WASHC2A: variants seen among roughly 807,000 people sequenced by gnomAD.
WASHC2A encodes the protein WASH complex subunit 2A.
In WASHC2A, 82 loss-of-function variants were observed where a neutral mutation model predicts 140.3. The ratio of observed to expected loss-of-function variants is 0.58; its 90% confidence interval spans 0.49 to 0.70. The LOEUF (loss-of-function observed/expected upper bound fraction) is 0.70. WASHC2A is among the 30% of genes least tolerant of loss of function. WASHC2A has a pLI of 0.00. For synonymous variants in WASHC2A, 340 were observed against 560.8 expected (o/e 0.61, Z 5.56); for missense variants, 985 against 1,521.8 (o/e 0.65, Z 5.87).
chr10:50,080,398 G>A (rs1838789918), intron 4 of WASHC2A, among the ~76,000 whole-genome samples: 2 of 147,004 alleles, frequency 1.4e-5, no homozygotes, highest in Non-Finnish European at 3.0e-5. Flanking sequence ...ACCAGGGCTC[G>A]TGGGATAGTC....
In WASHC2A at chr10:50,069,664, G is replaced by A. The variant is rs782501362; in HGVS notation, c.244G>A (p.Val82Ile). 1 of 1,613,958 alleles carries A rather than the reference G, an allele frequency of 6.2e-7. No individual in the cohort carries two copies. Among genetic ancestry groups the A allele is most frequent in the Non-Finnish European group, 8.5e-7 (1 of 1,179,870 alleles). ...AGCCACAGATTGTCGCCTGCATAAT[G>A]TCTTCAATGACTTCCTTATGCTCTC... is the stretch of plus-strand genomic sequence containing the variant. ...TKATDCRLHN[V>I]FNDFLMLSNT... The change falls in exon 3 of 31, where the codon GTC becomes ATC. Residue 82 changes from valine (V) to isoleucine (I), a missense_variant. Physicochemically the swap from Val to Ile is conservative, Grantham distance 29 (BLOSUM62 3). Coordinates refer to ENST00000282633, the MANE Select transcript of WASHC2A (RefSeq NM_001005751.3).
rs536459605 is a variant in WASHC2A, at chr10:50,104,617, T to G, written c.1737+474T>G. Among the ~76,000 whole-genome samples, 4 of 152,210 alleles carry G rather than the reference T, an allele frequency of 2.6e-5. No homozygotes were observed. The East Asian group carries it at 7.7e-4, about 29-fold the overall frequency. On this transcript the variant is annotated intron_variant, in intron 18 of 30. Transcript: ENST00000282633. ...GGTGATCCGCCTGCCTCGGCCTCCC[T>G]AAGTGCTAGGATTACAGGTGTGAGC...
At chr10:50,109,397 G>T (rs554720466) in intron 19 of WASHC2A, among the ~76,000 whole-genome samples, 146 of 152,210 alleles carry the variant, frequency 9.6e-4, no homozygotes, top group Non-Finnish European at 1.6e-3. Context: ...ATCTGCTTTA[G>T]GATTTTTAGA....
At chr10:50,131,928 AG>A (rs1405454844) in intron 30 of WASHC2A, among the ~76,000 whole-genome samples, 15 of 152,262 alleles carry the variant, frequency 9.9e-5, no homozygotes, top group African/African-American at 3.4e-4. Flanking sequence ...TAACCCCTAG[AG>A]GTAATAGTAA....
In WASHC2A at chr10:50,094,543, T is replaced by C. The variant is rs1182016840; in HGVS notation, c.1181-605T>C. On this transcript the variant is annotated intron_variant, in intron 13 of 30. Transcript: ENST00000282633. Reference sequence around the variant, plus strand: ...CAAATGTTACTCCATAGGTTTGTGGTAGTTCTTGGGACTTGGGAATTAGTG... The same window carrying C: ...CAAATGTTACTCCATAGGTTTGTGGCAGTTCTTGGGACTTGGGAATTAGTG... 2.4e-3 allele frequency among the ~76,000 whole-genome samples: 368 copies of C among 151,364 alleles called. 1 individual carries two copies. The highest frequency in any genetic ancestry group is 7.1e-3 in the African/African-American group (294 of 41,158).
At chr10:50,099,454 T>A (rs2132671907) in intron 16 of WASHC2A, among the ~76,000 whole-genome samples, 1 of 150,834 alleles carries the variant, frequency 6.6e-6, no homozygotes, top group African/African-American at 2.4e-5. Flanking sequence ...TGGAGACGGG[T>A]TTTGCCCATG....
rs1843914419 is a variant in WASHC2A at position 50,130,949 on chromosome 10, G to T, written c.3757G>T (p.Glu1253Ter). 47 of 1,610,532 alleles carry T rather than the reference G, an allele frequency of 2.9e-5. 1 individual carries two copies. In the South Asian group the frequency reaches 4.9e-4, roughly 17 times the overall value. The change falls in exon 30 of 31, where the codon GAG becomes TAG. Residue 1253 changes from glutamate to a stop codon, truncating the protein, a stop_gained. Coordinates refer to ENST00000282633, the MANE Select transcript of WASHC2A (RefSeq NM_001005751.3). LOFTEE classifies it high-confidence loss of function. ...AATTAAACCCTCTCAGAAAACCAGA[G>T]AGAAGGAGAAAACATTGGAATCTAA... ...EAIKPSQKTR[E>*]KEKTLESNLF...
intron 20 of WASHC2A, among the ~76,000 whole-genome samples, chr10:50,111,972 G>A (rs1842324817): frequency 6.6e-6 from 1 of 152,088 alleles, no homozygotes; most frequent in Non-Finnish European, 1.5e-5. Context: ...AGGTTACAGT[G>A]AGCCAAGATC....
At chr10:50,084,797 G>A (rs550538207) in intron 6 of WASHC2A, among the ~76,000 whole-genome samples, 48 of 149,226 alleles carry the variant, frequency 3.2e-4, no homozygotes, top group African/African-American at 1.1e-3. Context: ...ATGCAATGGC[G>A]CGATCTTGGC....
intron 3 of WASHC2A, among the ~76,000 whole-genome samples, chr10:50,071,396 C>A (rs1554876180): frequency 6.6e-6 from 1 of 151,538 alleles, no homozygotes; most frequent in Non-Finnish European, 1.5e-5. Flanking sequence ...AGCTCCGCCT[C>A]CCGGGTTCAC....
chr10:50,079,707 T>TTAATAAA (rs1838723208), intron 4 of WASHC2A, among the ~76,000 whole-genome samples: 3 of 152,260 alleles, frequency 2.0e-5, no homozygotes, highest in Non-Finnish European at 4.4e-5. Context: ...CAGGTTATTT[T>TTAATAAA]ATTTTTAATA....
In WASHC2A at chr10:50,118,071, C is replaced by T. The variant is rs1370036720; in HGVS notation, c.2295+13C>T. 2 of 1,607,812 alleles carry T rather than the reference C, an allele frequency of 1.2e-6. No individual in the cohort carries two copies. The highest frequency in any genetic ancestry group is 3.4e-5 in the Admixed American group (2 of 58,560). On this transcript the variant is annotated intron_variant, in intron 22 of 30. Coordinates refer to ENST00000282633, the MANE Select transcript of WASHC2A (RefSeq NM_001005751.3). ...TGAGTCAGAAAAGGTGGACTTTTTTCTCTTGTATACTTGAATGCATTTGTC... is the reference window on the plus strand; with the variant it reads ...TGAGTCAGAAAAGGTGGACTTTTTTTTCTTGTATACTTGAATGCATTTGTC...
In WASHC2A at chr10:50,120,995, CTT is replaced by C. The variant is rs1486407286; in HGVS notation, c.2478+1227_2478+1228del. Among the ~76,000 whole-genome samples the C allele has an allele frequency of 3.6e-3, 522 of 145,616 alleles. 4 individuals are homozygous for C. The highest frequency in any genetic ancestry group is 0.021 in the Middle Eastern group (6 of 290). On this transcript the variant is annotated intron_variant, in intron 23 of 30. Transcript: ENST00000282633. ...TAGGCATAGGAGGAAGCTTAATGAACTTGATAAAGGACATCTATGAAATCCCT... is the reference window on the plus strand; with the variant it reads ...TAGGCATAGGAGGAAGCTTAATGAACGATAAAGGACATCTATGAAATCCCT...
intron 17 of WASHC2A, among the ~76,000 whole-genome samples, chr10:50,101,710 G>T (rs1463897390): frequency 1.3e-5 from 2 of 152,162 alleles, no homozygotes; most frequent in African/African-American, 4.8e-5. Context: ...AAACCTAGTG[G>T]TTCATAACAC....
At chr10:50,110,754 G>A (rs1842215366) in intron 20 of WASHC2A, among the ~76,000 whole-genome samples, 1 of 151,756 alleles carries the variant, frequency 6.6e-6, no homozygotes, top group East Asian at 1.9e-4. Context: ...TTAGCCGGGT[G>A]TGGTGGCACG....
chr10:50,110,891 T>C (rs1842231065), intron 20 of WASHC2A, among the ~76,000 whole-genome samples: 1 of 39,082 alleles, frequency 2.6e-5, no homozygotes, highest in Non-Finnish European at 4.8e-5. Flanking sequence ...AGACTCCATC[T>C]CAAAAAAAAA....
chr10:50,121,236 T>C (rs1308459391), intron 23 of WASHC2A, among the ~76,000 whole-genome samples: 2 of 150,280 alleles, frequency 1.3e-5, no homozygotes, highest in East Asian at 3.8e-4. Flanking sequence ...CATGATCTTT[T>C]ATATAGAAAG....
rs1837443729 is a variant in WASHC2A at position 50,068,095 on chromosome 10, T to C, written c.4-10T>C. 1 of 1,608,656 alleles carries C rather than the reference T, an allele frequency of 6.2e-7. No homozygotes were observed. The highest frequency in any genetic ancestry group is 8.5e-7 in the Non-Finnish European group (1 of 1,178,224). ...AGGCTCAGCTTCTCTTCTCGTTTTT[T>C]TCGCTGCAGATGAACCGGACGACCC... is the stretch of plus-strand genomic sequence containing the variant. On this transcript the variant is annotated splice_polypyrimidine_tract_variant and intron_variant, in intron 1 of 30. Coordinates refer to ENST00000282633, the MANE Select transcript of WASHC2A (RefSeq NM_001005751.3).
At chr10:50,091,685 A>G (rs1406616281) in intron 10 of WASHC2A, among the ~76,000 whole-genome samples, 167 bp downstream of exon 10, 1 of 151,926 alleles carries the variant, frequency 6.6e-6, no homozygotes, top group African/African-American at 2.4e-5. Flanking sequence ...TTGGTTAATG[A>G]GCTCCTTTAG....
Sources: allele counts gnomAD v4.1 joint callset (sites outside exome capture counted in the v4.1 genomes callset), GRCh38; gene constraint gnomAD v4.1.1; transcripts MANE v1.5; gene names NCBI Gene and HGNC (gene_info 2026-07-23, HGNC 2026-07-21).